Variants in IFT140 observed in about 807,000 individuals in gnomAD.
IFT140 encodes intraflagellar transport protein 140 homolog.
In IFT140, 133 loss-of-function variants were observed where a neutral mutation model predicts 164.6. That is an observed-to-expected ratio of 0.81 (90% CI 0.70 to 0.93). IFT140 has a LOEUF of 0.93. Ranked by LOEUF, IFT140 falls within the 40% of genes least tolerant of loss-of-function variation. The pLI is 0.00. For synonymous variants in IFT140, 860 were observed against 817.3 expected (o/e 1.05, Z -0.89); for missense variants, 2,045 against 1,972.3 (o/e 1.04, Z -0.70).
chr16:1,602,137 T>C, intron 4 of IFT140: 3 of 556,854 alleles, frequency 5.4e-6, no homozygotes, highest in Non-Finnish European at 9.7e-6. Flanking sequence ...CACGTATCTT[T>C]ACGAATGCAG....
At chr16:1,594,129 C>G (rs2035331360) in intron 4 of IFT140, among the ~76,000 whole-genome samples, 1 of 152,244 alleles carries the variant, frequency 6.6e-6, no homozygotes, top group South Asian at 2.1e-4. Context: ...GTTGGCCTCT[C>G]TGTCCCTTTG....
intron 3 of IFT140, 74 bp downstream of exon 3, chr16:1,607,046 A>C (rs981805386): frequency 4.0e-6 from 6 of 1,483,548 alleles, no homozygotes; most frequent in Admixed American, 3.5e-5. Flanking sequence ...GTGCACACAC[A>C]CAAGGACAAC....
chr16:1,597,068 T>A (rs1252214434), intron 4 of IFT140, among the ~76,000 whole-genome samples: 1 of 152,064 alleles, frequency 6.6e-6, no homozygotes, highest in Non-Finnish European at 1.5e-5. Flanking sequence ...CATCACGGCA[T>A]CAGAGTGCGA....
intron 19 of IFT140, among the ~76,000 whole-genome samples, chr16:1,528,373 ATGCACGCACGTG>A (rs1567333809): frequency 4.0e-5 from 6 of 151,258 alleles, no homozygotes; most frequent in Admixed American, 3.9e-4. Context: ...ACACACACGC[ATGCACGCACGTG>A]TGCACACACA....
At chr16:1,585,705 CAT>C (rs950459630) in intron 10 of IFT140, among the ~76,000 whole-genome samples, 3 of 150,810 alleles carry the variant, frequency 2.0e-5, no homozygotes, top group East Asian at 2.0e-4. Context: ...GTTATTTTCA[CAT>C]AGTCTTAAGT....
At chr16:1,584,188 T>C in intron 11 of IFT140, 29 bp downstream of exon 11, 2 of 1,598,908 alleles carry the variant, frequency 1.3e-6, no homozygotes, top group Non-Finnish European at 1.7e-6. Context: ...TCTGTCTGTG[T>C]CCCACCCACG....
intron 15 of IFT140, among the ~76,000 whole-genome samples, chr16:1,567,821 C>CT (rs2033801829): frequency 1.3e-5 from 2 of 152,256 alleles, no homozygotes; most frequent in Admixed American, 1.3e-4. Flanking sequence ...CCCTGCCTCT[C>CT]TGAGTGGGAC....
chr16:1,556,938 T>A (rs2033126406), intron 19 of IFT140, among the ~76,000 whole-genome samples: 2 of 152,094 alleles, frequency 1.3e-5, no homozygotes, highest in Non-Finnish European at 2.9e-5. Flanking sequence ...GCCTTCTGAG[T>A]AGCTGGGACT....
intron 3 of IFT140, among the ~76,000 whole-genome samples, 162 bp downstream of exon 3, chr16:1,606,958 G>GCATACACACACCAATACA (rs762675336): frequency 6.6e-5 from 10 of 150,942 alleles, no homozygotes; most frequent in Non-Finnish European, 8.8e-5. Flanking sequence ...ATACATATGC[G>GCATACACACACCAATACA]CATACACACA....
Position 1,558,153 on chromosome 16 carries a change from A to C in IFT140, c.2200-19T>G, listed in dbSNP as rs2033208001. ...CTTCGGGCTAAATGACAAAGGACCC[A>C]TGTGTTTGTTAATTCATATGTAAAG... is the stretch of plus-strand genomic sequence containing the variant. On this transcript the variant is annotated intron_variant, in intron 18 of 30. Transcript: ENST00000426508. 1 of 1,613,324 alleles carries C rather than the reference A, an allele frequency of 6.2e-7. No individual in the cohort carries two copies. Among genetic ancestry groups the C allele is most frequent in the Admixed American group, 1.7e-5 (1 of 60,018 alleles).
In IFT140 at chr16:1,546,157, G is replaced by A. The variant is rs548522841; in HGVS notation, c.2399+11778C>T. Among the ~76,000 whole-genome samples the A allele has an allele frequency of 5.2e-3, 791 of 152,336 alleles. 2 individuals carry two copies. The highest frequency in any genetic ancestry group is 8.6e-3 in the Non-Finnish European group (586 of 68,032). ...GGAAAGGAGTATTGAAGGGGGTCAG[G>A]GCAAGTTGCCAATGGAAGGTAAAAG... On this transcript the variant is annotated intron_variant, in intron 19 of 30. Transcript: ENST00000426508.
At chr16:1,565,463 G>A (rs1308243377) in intron 16 of IFT140, among the ~76,000 whole-genome samples, 1 of 152,116 alleles carries the variant, frequency 6.6e-6, no homozygotes, top group African/African-American at 2.4e-5. Context: ...ATCCAGGGGG[G>A]CTGGACAGAA....
At chr16:1,568,090 G>T (rs2033817652) in intron 15 of IFT140, 127 bp downstream of exon 15, 6 of 685,484 alleles carry the variant, frequency 8.8e-6, no homozygotes, top group Non-Finnish European at 1.3e-5. Context: ...AAGGAGAGTG[G>T]GGCTGAACAG....
chr16:1,524,776 G>T lies in IFT140; in HGVS notation c.2997+8C>A, dbSNP rs372183503. 21 of 1,602,122 alleles carry T rather than the reference G, an allele frequency of 1.3e-5. No individual in the cohort carries two copies. The highest frequency in any genetic ancestry group is 4.0e-5 in the African/African-American group (3 of 74,718). On this transcript the variant is annotated splice_region_variant and intron_variant, in intron 23 of 30. Coordinates refer to ENST00000426508, the MANE Select transcript of IFT140 (RefSeq NM_014714.4). ...TCCGCCTGGCCGGCTCCCCTGCGGG[G>T]ACCTTACCTTCTGGACATTGCCCTG...
intron 19 of IFT140, chr16:1,534,316 C>A: frequency 6.2e-7 from 1 of 1,612,666 alleles, no homozygotes; most frequent in Non-Finnish European, 8.5e-7. Flanking sequence ...GTGCTGGTGG[C>A]CCTGGTCTCA....
At position 1,551,702 on chromosome 16, in the gene IFT140, G is replaced by A. The variant is rs1388462982; in HGVS notation, c.2399+6233C>T. Among the ~76,000 whole-genome samples the A allele has an allele frequency of 6.6e-6, 1 of 152,168 alleles. No homozygotes were observed. Among genetic ancestry groups the A allele is most frequent in the Non-Finnish European group, 1.5e-5 (1 of 68,026 alleles). On this transcript the variant is annotated intron_variant, in intron 19 of 30. Transcript: ENST00000426508. The surrounding 1 kb of genome is among the most constrained non-coding windows in gnomAD (Gnocchi z 4.0). ...GTTCACGGAAGAGCCTAAGATCAGCGGCACTTCAGTCTTCTACGGGGTTTT... is the reference window on the plus strand; with the variant it reads ...GTTCACGGAAGAGCCTAAGATCAGCAGCACTTCAGTCTTCTACGGGGTTTT...
intron 19 of IFT140, among the ~76,000 whole-genome samples, chr16:1,548,185 A>G (rs1053169999): frequency 6.6e-6 from 1 of 151,788 alleles, no homozygotes; most frequent in Non-Finnish European, 1.5e-5. Context: ...CCCAGCAGGG[A>G]CTTGAGGTGG....
At chr16:1,567,452 C>A (rs2033780262) in intron 15 of IFT140, among the ~76,000 whole-genome samples, 1 of 152,178 alleles carries the variant, frequency 6.6e-6, no homozygotes, top group Non-Finnish European at 1.5e-5. Context: ...CTCGCCCCAA[C>A]CTTGGCTGGG....
In IFT140 at chr16:1,537,938, G is replaced by A. The variant is rs561501863; in HGVS notation, c.2400-11142C>T. Among the ~76,000 whole-genome samples, 9 of 152,290 alleles carry A rather than the reference G, an allele frequency of 5.9e-5. No individual in the cohort carries two copies. The East Asian group carries it at 7.7e-4, about 13-fold the overall frequency. ...AATACAGGTGGAGGACAGAGCTCCC[G>A]GGCTTCACCCCCTGCTCGGCCAGGA... On this transcript the variant is annotated intron_variant, in intron 19 of 30. Coordinates refer to ENST00000426508, the MANE Select transcript of IFT140 (RefSeq NM_014714.4).
Sources: allele counts gnomAD v4.1 joint callset (sites outside exome capture counted in the v4.1 genomes callset), GRCh38; gene constraint gnomAD v4.1.1; non-coding constraint Gnocchi (gnomAD v3.1); transcripts MANE v1.5; gene names NCBI Gene and HGNC (gene_info 2026-07-23, HGNC 2026-07-21).